The following SV2C variants were observed in gnomAD, a reference collection of about 807,000 sequenced individuals.
The protein encoded by SV2C is synaptic vesicle glycoprotein 2C.
In SV2C, 49 loss-of-function variants were observed where a neutral mutation model predicts 79.7. That is an observed-to-expected ratio of 0.61 (90% CI 0.49 to 0.78). SV2C has a LOEUF of 0.78. SV2C is among the 30% of genes least tolerant of loss of function. The pLI is 0.00. For synonymous variants in SV2C, 334 were observed against 333.2 expected (o/e 1.00, Z -0.03); for missense variants, 833 against 912.9 (o/e 0.91, Z 1.13).
chr5:76,304,696 G>A (rs1045589440), intron 12 of SV2C, among the ~76,000 whole-genome samples: 17 of 152,158 alleles, frequency 1.1e-4, no homozygotes, highest in East Asian at 1.9e-4. Context: ...CAGAGGAGAC[G>A]AACACTGTGT....
chr5:76,115,456 C>T lies in SV2C; in HGVS notation c.-101-16194C>T, dbSNP rs1366113460. On this transcript the variant is annotated intron_variant, in intron 1 of 12. Coordinates refer to ENST00000502798, the MANE Select transcript of SV2C (RefSeq NM_014979.4). ...TCATAGATACGTATCAAGCACCTAC[C>T]AGGTACAATGAAGAGCTGGATTTTT... Among the ~76,000 whole-genome samples, 4 of 152,272 alleles carry T rather than the reference C, an allele frequency of 2.6e-5. No homozygotes were observed. In the East Asian group the frequency reaches 7.7e-4, roughly 29 times the overall value.
chr5:76,335,094 A>T (rs1252047093), downstream of SV2C, among the ~76,000 whole-genome samples: 1 of 152,228 alleles, frequency 6.6e-6, no homozygotes, highest in African/African-American at 2.4e-5. Flanking sequence ...TGATTGCCAC[A>T]TGTGACCAGA....
the SV2C span, among the ~76,000 whole-genome samples, chr5:76,071,247 T>C: frequency 1.3e-5 from 2 of 152,160 alleles, no homozygotes; most frequent in Non-Finnish European, 2.9e-5. Context: ...GATTTGACTT[T>C]ATGTCAGTCA....
chr5:76,013,643 G>A, the SV2C span, among the ~76,000 whole-genome samples: 1 of 152,124 alleles, frequency 6.6e-6, no homozygotes, highest in East Asian at 1.9e-4. Context: ...CCAATGAAAA[G>A]TACCCTAAAC....
the SV2C span, among the ~76,000 whole-genome samples, chr5:75,888,423 T>C: frequency 2.6e-5 from 4 of 151,904 alleles, no homozygotes; most frequent in Admixed American, 2.6e-4. Flanking sequence ...CCCAACCTCA[T>C]TTCACGTCAC....
intron 4 of SV2C, among the ~76,000 whole-genome samples, chr5:76,216,136 G>A (rs990273877): frequency 6.6e-6 from 1 of 152,154 alleles, no homozygotes; most frequent in African/African-American, 2.4e-5. Context: ...GGTGGACAGT[G>A]GAGTCCACTC....
chr5:75,854,078 A>G, the SV2C span, among the ~76,000 whole-genome samples: 1 of 151,506 alleles, frequency 6.6e-6, no homozygotes, highest in African/African-American at 2.4e-5. Context: ...ATTCTTTCAC[A>G]ATAGGTTTGA....
chr5:76,201,547 A>G (rs1377591086), intron 3 of SV2C, among the ~76,000 whole-genome samples: 1 of 152,152 alleles, frequency 6.6e-6, no homozygotes, highest in African/African-American at 2.4e-5. Context: ...CTTCATAGCT[A>G]TTTGCAATAT....
the SV2C span, among the ~76,000 whole-genome samples, chr5:75,973,513 A>T: frequency 6.6e-6 from 1 of 151,432 alleles, no homozygotes; most frequent in Non-Finnish European, 1.5e-5. Context: ...AAGAAAAAAA[A>T]GAAAAAGAAA....
chr5:76,123,460 T>C lies in SV2C; in HGVS notation c.-101-8190T>C, dbSNP rs569185404. Among the ~76,000 whole-genome samples, 7 of 152,290 alleles carry C rather than the reference T, an allele frequency of 4.6e-5. No homozygotes were observed. The South Asian group carries it at 1.2e-3, about 27-fold the overall frequency. ...TTTAGACCAATATCCTTGATGAACA[T>C]TGATGCAAAAATCCTCAATAAAATA... is the stretch of plus-strand genomic sequence containing the variant. On this transcript the variant is annotated intron_variant, in intron 1 of 12. Coordinates refer to ENST00000502798, the MANE Select transcript of SV2C (RefSeq NM_014979.4).
At chr5:76,236,820 C>G (rs1204662671) in intron 4 of SV2C, among the ~76,000 whole-genome samples, 2 of 152,164 alleles carry the variant, frequency 1.3e-5, no homozygotes, top group African/African-American at 4.8e-5. Context: ...GTGTCCCCAC[C>G]CATATCTTGC....
At chr5:76,060,487 G>A in the SV2C span, among the ~76,000 whole-genome samples, 1 of 152,062 alleles carries the variant, frequency 6.6e-6, no homozygotes, top group Non-Finnish European at 1.5e-5. Context: ...TATGGAACCA[G>A]CTTCTTAAGC....
the SV2C span, among the ~76,000 whole-genome samples, chr5:75,851,901 G>A: frequency 1.3e-5 from 2 of 152,190 alleles, no homozygotes; most frequent in African/African-American, 4.8e-5. Flanking sequence ...CTGACTTCAT[G>A]ATCCATCCTC....
chr5:76,189,265 C>G (rs895168104), intron 2 of SV2C, among the ~76,000 whole-genome samples: 2 of 151,914 alleles, frequency 1.3e-5, no homozygotes, highest in African/African-American at 4.8e-5. Context: ...GATGTGTAAG[C>G]TTTCACAGCT....
At chr5:75,968,345 A>T in the SV2C span, among the ~76,000 whole-genome samples, 1 of 152,228 alleles carries the variant, frequency 6.6e-6, no homozygotes, top group Admixed American at 6.5e-5. Flanking sequence ...TGATGAGTTG[A>T]GAGAAGAAGG....
At chr5:75,885,189 C>T in the SV2C span, among the ~76,000 whole-genome samples, 32 of 152,226 alleles carry the variant, frequency 2.1e-4, no homozygotes, top group East Asian at 4.8e-3. Context: ...CATCCCCAAA[C>T]CCTAATTAGA....
At chr5:76,098,903 G>A (rs144837321) in intron 1 of SV2C, among the ~76,000 whole-genome samples, 108 of 152,328 alleles carry the variant, frequency 7.1e-4, no homozygotes, top group African/African-American at 2.4e-3. Flanking sequence ...GGCCCTAGAA[G>A]TTGTGGAGGC....
intron 2 of SV2C, among the ~76,000 whole-genome samples, chr5:76,169,562 C>A (rs1270864954): frequency 6.6e-6 from 1 of 152,210 alleles, no homozygotes; most frequent in Non-Finnish European, 1.5e-5. Context: ...TTCTCAGTAG[C>A]ACTACGGGAA....
intron 2 of SV2C, among the ~76,000 whole-genome samples, chr5:76,184,166 G>A (rs1005157696): frequency 3.3e-5 from 5 of 152,164 alleles, no homozygotes; most frequent in Admixed American, 6.5e-5. Flanking sequence ...AGAACCTCTG[G>A]GTGTGGCCTG....
Sources: gnomAD v4.1 joint callset for allele counts (sites outside exome capture counted in the v4.1 genomes callset) on GRCh38, gnomAD v4.1.1 for gene constraint, MANE v1.5 for transcripts, NCBI Gene and HGNC (gene_info 2026-07-23, HGNC 2026-07-21) for gene names.